CELF2: variants seen among roughly 807,000 people sequenced by gnomAD.
CELF2 encodes the protein CUGBP Elav-like family member 2.
In CELF2, 8 loss-of-function variants were observed where a neutral mutation model predicts 62.6. The observed-to-expected ratio is 0.13, with a 90% CI of 0.07 to 0.23. The LOEUF (loss-of-function observed/expected upper bound fraction) is 0.23, where lower values mean the gene tolerates loss of function less well. Among genes scored for constraint, CELF2 ranks in the 10% least tolerant of loss-of-function variants. The pLI is 1.00. For missense variants in CELF2, 333 were observed against 671.0 expected, an observed-to-expected ratio of 0.50 and a Z score of 5.56; for synonymous variants, 258 against 250.0, an observed-to-expected ratio of 1.03 and a Z score of -0.30.
chr10:10,825,831 A>T (rs2057345688), intron 1 of CELF2, among the ~76,000 whole-genome samples: 1 of 152,190 alleles, frequency 6.6e-6, no homozygotes, highest in Non-Finnish European at 1.5e-5. Flanking sequence ...ATTAGACCAG[A>T]TTATCTCTCA....
the CELF2 span, among the ~76,000 whole-genome samples, chr10:10,644,565 G>T: frequency 1.3e-3 from 194 of 152,284 alleles, 1 homozygote; most frequent in African/African-American, 4.4e-3. Flanking sequence ...TGGCACAAAA[G>T]CAGCTGATAG....
chr10:10,961,578 C>T (rs1023381323), intron 2 of CELF2, among the ~76,000 whole-genome samples: 4 of 150,252 alleles, frequency 2.7e-5, no homozygotes, highest in African/African-American at 4.9e-5. Context: ...AAAACCCCAT[C>T]TTTACTAAAA....
At position 11,257,880 on chromosome 10, in the gene CELF2, T is replaced by A; in HGVS notation, c.538+8T>A. On this transcript the variant is annotated splice_region_variant and intron_variant, in intron 5 of 12. Coordinates refer to ENST00000633077, the MANE Select transcript of CELF2 (RefSeq NM_001326342.2). ...CTGATGGGCTGAGTCGAGGTGAGTG[T>A]GCTGTCTGGAAAGCCTCTCCCCTTC... is the stretch of plus-strand genomic sequence containing the variant. The A allele has an allele frequency of 6.2e-7, 1 of 1,614,036 alleles. No individual in the cohort carries two copies. The highest frequency in any genetic ancestry group is 8.5e-7 in the Non-Finnish European group (1 of 1,179,906).
At chr10:11,144,437 G>C (rs645115) in intron 1 of CELF2, among the ~76,000 whole-genome samples, 1 of 152,190 alleles carries the variant, frequency 6.6e-6, no homozygotes, top group African/African-American at 2.4e-5. Context: ...GCAACAGACT[G>C]TATGTAGTTT....
intron 1 of CELF2, among the ~76,000 whole-genome samples, chr10:11,164,591 G>T (rs976552810): frequency 2.6e-5 from 4 of 151,760 alleles, no homozygotes; most frequent in Non-Finnish European, 4.4e-5. Context: ...GATATACAGA[G>T]AACAATTTAT....
intron 1 of CELF2, among the ~76,000 whole-genome samples, chr10:10,909,515 C>T (rs1167525628): frequency 1.3e-5 from 2 of 152,332 alleles, no homozygotes; most frequent in Admixed American, 6.5e-5. Context: ...CAGAACCTCC[C>T]GTGTTCCTTC....
the CELF2 span, among the ~76,000 whole-genome samples, chr10:10,692,266 ATCC>A: frequency 4.0e-5 from 6 of 151,212 alleles, no homozygotes; most frequent in African/African-American, 1.5e-4. Context: ...TAAATAGGGA[ATCC>A]TTTCCCCATT....
At chr10:10,868,322 C>T (rs777003584) in intron 1 of CELF2, among the ~76,000 whole-genome samples, 3 of 152,188 alleles carry the variant, frequency 2.0e-5, no homozygotes, top group African/African-American at 4.8e-5. Flanking sequence ...TGGAAGTTGA[C>T]GCTGGCTGGG....
rs750297275 is a variant in CELF2, at chr10:11,321,319, C to T, written c.1227C>T (p.Ala409=). 19 of 1,612,774 alleles carry T rather than the reference C, an allele frequency of 1.2e-5. No individual in the cohort carries two copies. The East Asian group carries it at 2.2e-4, about 19-fold the overall frequency. The change falls in exon 11 of 13, where the codon GCC becomes GCT. Residue 409 remains alanine, a synonymous_variant. Transcript: ENST00000633077. The surrounding 1 kb of genome is among the most constrained non-coding windows in gnomAD (Gnocchi z 6.2). ...CAGGAATTCAACAGTACGCAGCCGC[C>T]GCGCTGCCCACTCTGTACAGCCAGA... is the stretch of plus-strand genomic sequence containing the variant. ...AYSGIQQYAA[A]ALPTLYSQSL...
At chr10:10,573,244 T>G in the CELF2 span, among the ~76,000 whole-genome samples, 1 of 152,354 alleles carries the variant, frequency 6.6e-6, no homozygotes, top group Non-Finnish European at 1.5e-5. Flanking sequence ...TTGTAGATTC[T>G]GGATATTAAA....
Position 11,270,216 on chromosome 10 carries a change from T to A in CELF2, c.619-450T>A, listed in dbSNP as rs576334714. 4.6e-5 allele frequency among the ~76,000 whole-genome samples: 7 copies of A among 152,124 alleles called. No individual in the cohort carries two copies. Among genetic ancestry groups the A allele is most frequent in the Non-Finnish European group, 1.0e-4 (7 of 68,022 alleles). On this transcript the variant is annotated intron_variant, in intron 6 of 12. Coordinates refer to ENST00000633077, the MANE Select transcript of CELF2 (RefSeq NM_001326342.2). The surrounding 1 kb of genome is among the most constrained non-coding windows in gnomAD (Gnocchi z 5.8). ...CGGGAAAGAGTAAAAGATAAATGAA[T>A]GAGAGACATGGCCATTCCCGTTACA...
intron 2 of CELF2, among the ~76,000 whole-genome samples, chr10:11,192,053 C>A (rs556191491): frequency 6.6e-6 from 1 of 152,198 alleles, no homozygotes; most frequent in East Asian, 1.9e-4. Flanking sequence ...CATGTTCAGC[C>A]CCTTCCTGAG....
rs1363907292 is a variant in CELF2 at position 11,319,683 on chromosome 10, A to C, written c.1097-1506A>C. 9.3e-6 allele frequency: 4 copies of C among 431,232 alleles called. No homozygotes were observed. In the East Asian group the frequency reaches 2.1e-4, roughly 23 times the overall value. 26.7% of individuals were successfully genotyped at this position (431,232 alleles called of 1,614,324 possible). A position where few individuals can be genotyped will look rare whatever the true frequency, so the allele number is the denominator to read the frequency against. ...GCCACTCCATTCTCACGCCATTCACACTCGTCTCGCCACCCCTGCTTGGTG... is the reference window on the plus strand; with the variant it reads ...GCCACTCCATTCTCACGCCATTCACCCTCGTCTCGCCACCCCTGCTTGGTG... On this transcript the variant is annotated intron_variant, in intron 10 of 12. Transcript: ENST00000633077. This position sits in a 1 kb window ranked among gnomAD's most constrained non-coding sequence, Gnocchi z 4.4.
the CELF2 span, among the ~76,000 whole-genome samples, chr10:10,722,335 TAAAA>T: frequency 1.5e-4 from 22 of 150,224 alleles, no homozygotes; most frequent in Non-Finnish European, 3.0e-4. Context: ...ATAAAAAACT[TAAAA>T]AAAAACGCTT....
intron 1 of CELF2, among the ~76,000 whole-genome samples, chr10:10,916,443 T>C (rs886170358): frequency 1.3e-5 from 2 of 152,192 alleles, no homozygotes; most frequent in Non-Finnish European, 2.9e-5. Context: ...AGCATAGTTT[T>C]CCCCGGCTGG....
At chr10:10,665,496 C>A in the CELF2 span, among the ~76,000 whole-genome samples, 1 of 152,094 alleles carries the variant, frequency 6.6e-6, no homozygotes, top group Non-Finnish European at 1.5e-5. Context: ...TCTCTTCTCA[C>A]GACCGTGCAG....
chr10:11,054,800 C>T (rs1055531595), intron 1 of CELF2, among the ~76,000 whole-genome samples: 4 of 152,124 alleles, frequency 2.6e-5, no homozygotes, highest in African/African-American at 4.8e-5. Flanking sequence ...CTGCGACATC[C>T]GCCTCCTGGG....
chr10:11,275,209 G>A (rs1162362469), intron 8 of CELF2, 89 bp downstream of exon 8: 1 of 1,266,020 alleles, frequency 7.9e-7, no homozygotes, highest in Admixed American at 1.7e-5. Context: ...AGCAGGGGAA[G>A]AGAACCAAGA....
intron 1 of CELF2, among the ~76,000 whole-genome samples, chr10:11,033,012 T>C (rs1312701359): frequency 1.3e-5 from 2 of 152,230 alleles, no homozygotes; most frequent in African/African-American, 4.8e-5. Context: ...TTCATGGAGT[T>C]AAAATAACTT....
Sources: gnomAD v4.1 joint callset for allele counts (sites outside exome capture counted in the v4.1 genomes callset) on GRCh38, gnomAD v4.1.1 for gene constraint, Gnocchi (gnomAD v3.1) non-coding constraint, MANE v1.5 for transcripts, NCBI Gene and HGNC (gene_info 2026-07-23, HGNC 2026-07-21) for gene names.